Variants in GRIP1 observed in about 807,000 individuals in gnomAD.
GRIP1 encodes the protein glutamate receptor interacting protein 1.
A neutral mutation model predicts 129.9 loss-of-function variants in GRIP1; 45 were observed. The observed-to-expected ratio is 0.35, with a 90% CI of 0.27 to 0.44. The LOEUF (loss-of-function observed/expected upper bound fraction) is 0.44. GRIP1 is among the 20% of genes least tolerant of loss of function. The pLI is 1.00. For synonymous variants in GRIP1, 530 were observed against 520.8 expected (o/e 1.02, Z -0.24); for missense variants, 1,196 against 1,396.8 (o/e 0.86, Z 2.29).
At chr12:66,879,753 T>A (rs1362920504) in intron 1 of GRIP1, among the ~76,000 whole-genome samples, 3 of 152,258 alleles carry the variant, frequency 2.0e-5, no homozygotes, top group Admixed American at 6.5e-5. Flanking sequence ...GCATATTTTT[T>A]AAATTTCTTA....
intron 1 of GRIP1, among the ~76,000 whole-genome samples, chr12:67,052,711 G>T (rs1380640717): frequency 1.5e-5 from 2 of 132,992 alleles, no homozygotes; most frequent in Non-Finnish European, 3.1e-5. Context: ...AGTGAGCCAA[G>T]ATCACGCCAC....
At chr12:66,698,410 G>A (rs1436617432) in intron 1 of GRIP1, among the ~76,000 whole-genome samples, 1 of 152,132 alleles carries the variant, frequency 6.6e-6, no homozygotes, top group Non-Finnish European at 1.5e-5. Context: ...CTGTACCTGT[G>A]CCTTATTTTC....
At chr12:66,679,148 T>C (rs2034478273), upstream of GRIP1, 2 of 1,417,762 alleles carry the variant, frequency 1.4e-6, no homozygotes, top group South Asian at 1.5e-5. Flanking sequence ...ACAATCACAA[T>C]GGCTTAGAAA....
chr12:66,435,529 G>A (rs2058278116), intron 13 of GRIP1, among the ~76,000 whole-genome samples: 1 of 152,074 alleles, frequency 6.6e-6, no homozygotes, highest in East Asian at 1.9e-4. Context: ...TCTGTTTTAA[G>A]AAACAGTTCT....
In GRIP1 at chr12:66,588,292, C is replaced by T. The variant is rs140170925; in HGVS notation, c.136+8555G>A. Among the ~76,000 whole-genome samples, 701 of 152,154 alleles carry T rather than the reference C, an allele frequency of 4.6e-3. 8 individuals carry two copies. Among genetic ancestry groups the T allele is most frequent in the Middle Eastern group, 0.017 (5 of 294 alleles). On this transcript the variant is annotated intron_variant, in intron 2 of 24. Transcript: ENST00000359742. ...CCGAAGCCCTGGTAGTTCGCCTCCTCGGTTTCTCCTGGTACTCAGTTACTT... is the reference window on the plus strand; with the variant it reads ...CCGAAGCCCTGGTAGTTCGCCTCCTTGGTTTCTCCTGGTACTCAGTTACTT...
At chr12:66,785,418 A>G (rs2136817965) in intron 1 of GRIP1, among the ~76,000 whole-genome samples, 1 of 148,144 alleles carries the variant, frequency 6.8e-6, no homozygotes, top group East Asian at 2.0e-4. Flanking sequence ...AGGCTGACAC[A>G]GGGGGATCAC....
chr12:66,827,607 G>A (rs1322229899), intron 1 of GRIP1, among the ~76,000 whole-genome samples: 1 of 152,134 alleles, frequency 6.6e-6, no homozygotes, highest in Non-Finnish European at 1.5e-5. Flanking sequence ...AATGCCAGGA[G>A]ACAGGTGCTA....
At chr12:66,509,003 T>C (rs1227949884) in intron 7 of GRIP1, among the ~76,000 whole-genome samples, 1 of 152,216 alleles carries the variant, frequency 6.6e-6, no homozygotes, top group Non-Finnish European at 1.5e-5. Flanking sequence ...GAGATAATTG[T>C]GTGCTCCTCC....
chr12:66,927,689 C>A (rs184607225), intron 1 of GRIP1, among the ~76,000 whole-genome samples: 6 of 152,178 alleles, frequency 3.9e-5, no homozygotes, highest in South Asian at 2.1e-4. Context: ...GAGGGGTTAC[C>A]CACCTCGTAT....
intron 1 of GRIP1, among the ~76,000 whole-genome samples, chr12:66,747,144 G>A (rs765152494): frequency 1.3e-5 from 2 of 151,974 alleles, no homozygotes; most frequent in African/African-American, 4.8e-5. Flanking sequence ...GAAAAGAAGT[G>A]AACTGAGAAG....
chr12:66,607,631 G>A (rs1336684030), intron 1 of GRIP1, among the ~76,000 whole-genome samples: 5 of 152,118 alleles, frequency 3.3e-5, no homozygotes, highest in Admixed American at 6.6e-5. Flanking sequence ...CAAGGAGATC[G>A]CTGAGTCTGC....
chr12:66,815,844 CTT>C (rs760792149), intron 1 of GRIP1, among the ~76,000 whole-genome samples: 69 of 42,068 alleles, frequency 1.6e-3, no homozygotes, highest in Non-Finnish European at 3.0e-3. Flanking sequence ...TTCTTTCTTT[CTT>C]TCTTTCTTTC....
At chr12:66,955,133 C>A (rs1255632292) in intron 1 of GRIP1, among the ~76,000 whole-genome samples, 1 of 152,098 alleles carries the variant, frequency 6.6e-6, no homozygotes, top group African/African-American at 2.4e-5. Flanking sequence ...TATACATAAA[C>A]CATCAGAGGT....
chr12:66,643,542 ATAG>A (rs1251280584), intron 1 of GRIP1, among the ~76,000 whole-genome samples: 2 of 152,286 alleles, frequency 1.3e-5, no homozygotes, highest in African/African-American at 4.8e-5. Flanking sequence ...AGAATTATTA[ATAG>A]TAGTTTTCTC....
chr12:66,681,245 G>A (rs766559893), upstream of GRIP1, among the ~76,000 whole-genome samples: 6 of 152,110 alleles, frequency 3.9e-5, no homozygotes, highest in Non-Finnish European at 8.8e-5. Context: ...AATTCACCAG[G>A]TATTCCCATC....
intron 1 of GRIP1, among the ~76,000 whole-genome samples, chr12:66,659,266 G>A (rs796817902): frequency 3.3e-5 from 5 of 152,316 alleles, no homozygotes; most frequent in African/African-American, 1.2e-4. Flanking sequence ...CATTGAGTGT[G>A]CATTTATTTG....
At chr12:66,384,302 A>G (rs1165235484) in intron 19 of GRIP1, among the ~76,000 whole-genome samples, 1 of 152,246 alleles carries the variant, frequency 6.6e-6, no homozygotes, top group Non-Finnish European at 1.5e-5. Context: ...TGAAATGCTG[A>G]TATTTTAATC....
chr12:67,014,413 A>C (rs2042753856), intron 1 of GRIP1, among the ~76,000 whole-genome samples: 1 of 152,174 alleles, frequency 6.6e-6, no homozygotes, highest in Non-Finnish European at 1.5e-5. Flanking sequence ...CACAATGACA[A>C]ATGAAAACTG....
intron 1 of GRIP1, among the ~76,000 whole-genome samples, chr12:66,621,698 T>TTC (rs1462360671): frequency 6.6e-6 from 1 of 152,166 alleles, no homozygotes; most frequent in Non-Finnish European, 1.5e-5. Flanking sequence ...AGCTACACTA[T>TTC]TTTATATTCC....
Sources: gnomAD v4.1 joint callset for allele counts (sites outside exome capture counted in the v4.1 genomes callset) on GRCh38, gnomAD v4.1.1 for gene constraint, MANE v1.5 for transcripts, NCBI Gene and HGNC (gene_info 2026-07-23, HGNC 2026-07-21) for gene names.